The following ZSCAN32 variants were observed in gnomAD, a reference collection of about 807,000 sequenced individuals.
ZSCAN32 encodes the protein zinc finger and SCAN domain containing 32, also known as zinc finger and SCAN domain-containing protein 32.
In ZSCAN32, 52 loss-of-function variants were observed where a neutral mutation model predicts 47.4. The observed-to-expected ratio is 1.10, with a 90% CI of 0.88 to 1.38. ZSCAN32 has a LOEUF of 1.38. Among genes scored for constraint, ZSCAN32 ranks in the 40% most tolerant of loss-of-function variants. The pLI is 0.00. For missense variants in ZSCAN32, 959 were observed against 846.0 expected, an observed-to-expected ratio of 1.13 and a Z score of -1.66; for synonymous variants, 346 against 305.7, an observed-to-expected ratio of 1.13 and a Z score of -1.38.
At chr16:3,387,177 G>T (rs1452104988) in intron 5 of ZSCAN32, among the ~76,000 whole-genome samples, 1 of 152,140 alleles carries the variant, frequency 6.6e-6, no homozygotes, top group Non-Finnish European at 1.5e-5. Context: ...GAGGTGGCTG[G>T]CAATAAGGGT....
chr16:3,399,972 T>C (rs1441080655), intron 1 of ZSCAN32, among the ~76,000 whole-genome samples: 1 of 152,222 alleles, frequency 6.6e-6, no homozygotes, highest in Admixed American at 6.5e-5. Context: ...AAGCAGATCG[T>C]AATTTACATT....
chr16:3,388,782 A>G lies in ZSCAN32; in HGVS notation c.751+1228T>C, dbSNP rs549061914. On this transcript the variant is annotated intron_variant, in intron 5 of 6. Transcript: ENST00000396852. ...AAAATTACAGGTACCATTACATGAAATATTCAGAATAGCTCAATCCACAGA... is the reference window on the plus strand; with the variant it reads ...AAAATTACAGGTACCATTACATGAAGTATTCAGAATAGCTCAATCCACAGA... Among the ~76,000 whole-genome samples the G allele has an allele frequency of 2.0e-5, 3 of 152,320 alleles. No individual in the cohort carries two copies. In the East Asian group the frequency reaches 5.8e-4, roughly 29 times the overall value.
In ZSCAN32 at chr16:3,384,933, C is replaced by T. The variant is rs753615386; in HGVS notation, c.760G>A (p.Val254Met). ...TTGGTCTCTTCATAGCCCCAGGGCA[C>T]ACCTGTTGCTGGGGGACAAAGAATA... The part of the protein sequence containing the change: ...KDSHVSLATG[V>M]PWGYEETKTL... Residue 254 changes from valine (V) to methionine (M), a missense_variant, in exon 6 of 7, where the codon GTG becomes ATG. Transcript: ENST00000396852. 5 of 1,611,402 alleles carry T rather than the reference C, an allele frequency of 3.1e-6. No homozygotes were observed. Among genetic ancestry groups the T allele is most frequent in the Non-Finnish European group, 4.2e-6 (5 of 1,179,124 alleles).
chr16:3,386,489 C>A (rs1294393974), intron 5 of ZSCAN32, among the ~76,000 whole-genome samples: 1 of 150,142 alleles, frequency 6.7e-6, no homozygotes, highest in Non-Finnish European at 1.5e-5. Context: ...GACACATGCA[C>A]ACGTATGTTT....
At chr16:3,392,377 T>A (rs1008433052) in intron 3 of ZSCAN32, among the ~76,000 whole-genome samples, 2 of 5,026 alleles carry the variant, frequency 4.0e-4, no homozygotes, top group Non-Finnish European at 7.4e-4. Flanking sequence ...TTAAAACAAT[T>A]TTTTTTTTTT....
intron 1 of ZSCAN32, among the ~76,000 whole-genome samples, chr16:3,399,842 G>A (rs1252430318): frequency 1.3e-5 from 2 of 152,220 alleles, no homozygotes; most frequent in Non-Finnish European, 2.9e-5. Context: ...CTGTGCTCAA[G>A]TGATCCTCCC....
chr16:3,386,630 T>C (rs1006847809), intron 5 of ZSCAN32, among the ~76,000 whole-genome samples: 4 of 152,226 alleles, frequency 2.6e-5, no homozygotes, highest in African/African-American at 9.7e-5. Context: ...GATGAGTTCA[T>C]GTCCTTTGTA....
Position 3,383,322 on chromosome 16 carries a change from T to C in ZSCAN32, c.1624A>G (p.Ile542Val), listed in dbSNP as rs2031486237. The stretch of plus-strand genomic sequence containing the variant: ...TTGTGAGGCTTCTCGCCTGTGTGGA[T>C]TCTTTGATGCCGAACAAGATAAGAA... ...RSSYLVRHQR[I>V]HTGEKPHKCS... The change falls in exon 7 of 7, where the codon ATC becomes GTC. Residue 542 changes from isoleucine to valine, a missense_variant. By Grantham distance (29) the Ile-to-Val change is conservative. Transcript: ENST00000396852. 1 of 1,614,216 alleles carries C rather than the reference T, an allele frequency of 6.2e-7. No homozygotes were observed. Among genetic ancestry groups the C allele is most frequent in the Non-Finnish European group, 8.5e-7 (1 of 1,180,030 alleles).
intron 2 of ZSCAN32, among the ~76,000 whole-genome samples, chr16:3,394,812 T>C (rs949039640): frequency 2.0e-5 from 3 of 152,132 alleles, no homozygotes; most frequent in Non-Finnish European, 4.4e-5. Context: ...GCCCAGTCTT[T>C]TCCCACCTTA....
intron 3 of ZSCAN32, among the ~76,000 whole-genome samples, chr16:3,390,768 G>A (rs1439002931): frequency 6.6e-6 from 1 of 152,162 alleles, no homozygotes; most frequent in Non-Finnish European, 1.5e-5. Context: ...CACTGCCAGC[G>A]CTCACGGCCT....
In ZSCAN32 at chr16:3,397,479, G is replaced by A. The variant is rs1346108721; in HGVS notation, c.79C>T (p.Gln27Ter). Residue 27 changes from glutamine to a stop codon, truncating the protein, a stop_gained, in exon 2 of 7, where the codon CAG (glutamine) becomes TAG (stop). Coordinates refer to ENST00000396852, the MANE Select transcript of ZSCAN32 (RefSeq NM_001284527.2). LOFTEE classifies it high-confidence loss of function. Reference sequence around the variant, plus strand: ...GCCTCGGAGTCAGGGCTGTTACCCTGGAGGGCTGATTTCTGGCCCTGTGTG... The same window carrying A: ...GCCTCGGAGTCAGGGCTGTTACCCTAGAGGGCTGATTTCTGGCCCTGTGTG... ...DPTQGQKSAL[Q>*]GNSPDSEASR... The A allele has an allele frequency of 2.6e-6, 4 of 1,550,510 alleles. No individual in the cohort carries two copies. In the East Asian group the frequency reaches 7.3e-5, roughly 28 times the overall value.
At chr16:3,385,042 A>G in intron 5 of ZSCAN32, 101 bp from the exon 6 acceptor site, 1 of 1,396,916 alleles carries the variant, frequency 7.2e-7, no homozygotes, top group Non-Finnish European at 9.7e-7. Flanking sequence ...GTTACATCCT[A>G]GGCTGGATGC....
At position 3,383,570 on chromosome 16, in the gene ZSCAN32, G is replaced by C; in HGVS notation, c.1376C>G (p.Pro459Arg). 4.3e-6 allele frequency: 7 copies of C among 1,613,980 alleles called. No homozygotes were observed. The highest frequency in any genetic ancestry group is 5.9e-6 in the Non-Finnish European group (7 of 1,180,004). The change falls in exon 7 of 7, where the codon CCA (proline) becomes CGA (arginine). Residue 459 changes from proline (P) to arginine (R), a missense_variant. Pro to Arg is a moderately radical substitution (Grantham distance 103). Coordinates refer to ENST00000396852, the MANE Select transcript of ZSCAN32 (RefSeq NM_001284527.2). ...ATTTCTACATTGCCTTCTTGATGTTGGCTCACTCTCCAAGCCTTTTTGTAG... is the reference window on the plus strand; with the variant it reads ...ATTTCTACATTGCCTTCTTGATGTTCGCTCACTCTCCAAGCCTTTTTGTAG... ...SELQKGLESE[P>R]TSRRQCRNSP...
chr16:3,385,053 G>T, intron 5 of ZSCAN32, 112 bp from the exon 6 acceptor site: 2 of 1,288,808 alleles, frequency 1.6e-6, no homozygotes, highest in Non-Finnish European at 2.1e-6. Context: ...GGCTGGATGC[G>T]GTGGCTCACA....
chr16:3,388,290 C>T (rs903689997), intron 5 of ZSCAN32, among the ~76,000 whole-genome samples: 4 of 152,252 alleles, frequency 2.6e-5, no homozygotes, highest in African/African-American at 9.6e-5. Context: ...GTCTGTCTTA[C>T]ACTCTTCCTC....
In ZSCAN32 at chr16:3,383,717, A is replaced by T. The variant is rs957081339; in HGVS notation, c.1235-6T>A. ...CTCGTTCTTGAACTCAAAACCTGAA[A>T]AAAAAAAACCCCACAGAAATACAAT... On this transcript the variant is annotated splice_polypyrimidine_tract_variant and splice_region_variant and intron_variant, in intron 6 of 6. Transcript: ENST00000396852. 4 of 1,564,440 alleles carry T rather than the reference A, an allele frequency of 2.6e-6. No homozygotes were observed. In the African/African-American group the frequency reaches 5.5e-5, roughly 22 times the overall value.
At chr16:3,399,576 T>C (rs1415306155) in intron 1 of ZSCAN32, among the ~76,000 whole-genome samples, 1 of 152,114 alleles carries the variant, frequency 6.6e-6, no homozygotes, top group Non-Finnish European at 1.5e-5. Context: ...TTTTATATAA[T>C]TTAAAATTAA....
chr16:3,393,082 G>A (rs1267041137), intron 3 of ZSCAN32, among the ~76,000 whole-genome samples: 2 of 138,586 alleles, frequency 1.4e-5, no homozygotes, highest in African/African-American at 2.8e-5. Context: ...AACACATAAA[G>A]AATCTCTGTT....
chr16:3,386,122 T>A (rs1429598315), intron 5 of ZSCAN32, among the ~76,000 whole-genome samples: 1 of 152,112 alleles, frequency 6.6e-6, no homozygotes, highest in Non-Finnish European at 1.5e-5. Flanking sequence ...CATCAAAAAG[T>A]GGGCAAAGGA....
Sources: allele counts gnomAD v4.1 joint callset (sites outside exome capture counted in the v4.1 genomes callset), GRCh38; gene constraint gnomAD v4.1.1; transcripts MANE v1.5; gene names NCBI Gene and HGNC (gene_info 2026-07-23, HGNC 2026-07-21).